Variants in EHBP1 observed in about 807,000 individuals in gnomAD.
The protein encoded by EHBP1 is EH domain-binding protein 1.
In EHBP1, 55 loss-of-function variants were observed where a neutral mutation model predicts 144.0. The ratio of observed to expected loss-of-function variants is 0.38; its 90% CI spans 0.31 to 0.48. The LOEUF is 0.48. Among genes scored for constraint, EHBP1 ranks in the 20% least tolerant of loss-of-function variants. EHBP1 has a pLI of 0.98. For synonymous variants in EHBP1, 469 were observed against 472.7 expected (o/e 0.99, Z 0.10); for missense variants, 1,200 against 1,364.2 (o/e 0.88, Z 1.90).
chr2:62,743,995 T>A (rs2038939054), intron 2 of EHBP1, among the ~76,000 whole-genome samples: 2 of 152,114 alleles, frequency 1.3e-5, no homozygotes, highest in South Asian at 4.1e-4. Context: ...TCCTTTTTAA[T>A]GGCTTTGGAG....
chr2:62,993,750 A>C lies in EHBP1; in HGVS notation c.2872+82A>C, dbSNP rs532105572. 1,630 of 744,380 alleles carry C rather than the reference A, an allele frequency of 2.2e-3. 2 individuals are homozygous for C. The highest frequency in any genetic ancestry group is 2.8e-3 in the Non-Finnish European group (1,498 of 544,282). The allele number at this position is 744,380 out of a possible 1,614,324, so 46.1% of individuals were successfully genotyped here. A position where few individuals can be genotyped will look rare whatever the true frequency, so the allele number is the denominator to read the frequency against. On this transcript the variant is annotated intron_variant, in intron 17 of 22. Coordinates refer to ENST00000431489, the MANE Select transcript of EHBP1 (RefSeq NM_001142616.3). ...TATATATAGTATATATATATAGTAT[A>C]TATATATAGCATATATATATAGTAT...
chr2:62,760,772 G>A (rs977913111), intron 3 of EHBP1, among the ~76,000 whole-genome samples: 2 of 152,220 alleles, frequency 1.3e-5, no homozygotes, highest in African/African-American at 4.8e-5. Context: ...GAGTCATGGA[G>A]TCTGGGCTCT....
chr2:63,026,810 C>T (rs1184964864), intron 19 of EHBP1, among the ~76,000 whole-genome samples: 2 of 152,184 alleles, frequency 1.3e-5, no homozygotes, highest in African/African-American at 2.4e-5. Context: ...AAGGTTGACT[C>T]CTCCTATGAA....
At chr2:62,754,607 A>G (rs2040086710) in intron 3 of EHBP1, among the ~76,000 whole-genome samples, 2 of 152,208 alleles carry the variant, frequency 1.3e-5, no homozygotes, top group Admixed American at 1.3e-4. Context: ...CTACAGAGGC[A>G]GGCAGGCCTC....
At chr2:62,975,860 T>A (rs967669827) in intron 14 of EHBP1, among the ~76,000 whole-genome samples, 18 of 148,108 alleles carry the variant, frequency 1.2e-4, no homozygotes, top group African/African-American at 4.2e-4. Flanking sequence ...CACCACTGCA[T>A]TTCAGCCTGG....
chr2:62,894,051 A>C (rs1353654976), intron 10 of EHBP1, among the ~76,000 whole-genome samples: 1 of 152,090 alleles, frequency 6.6e-6, no homozygotes, highest in African/African-American at 2.4e-5. Flanking sequence ...TCTCAAAAAA[A>C]AAAAAAAAAC....
At position 62,878,550 on chromosome 2, in the gene EHBP1, A is replaced by G. The variant is rs190896436; in HGVS notation, c.1185+4018A>G. Reference sequence around the variant, plus strand: ...CAGGTCAGTATCCTCTGATGAATGTAGATGCAAAAATCTTTAACAAAATAC... The same window carrying G: ...CAGGTCAGTATCCTCTGATGAATGTGGATGCAAAAATCTTTAACAAAATAC... On this transcript the variant is annotated intron_variant, in intron 10 of 22. Transcript: ENST00000431489. Among the ~76,000 whole-genome samples, 1,249 of 152,354 alleles carry G rather than the reference A, an allele frequency of 8.2e-3. 4 individuals are homozygous for G. The highest frequency in any genetic ancestry group is 0.013 in the Non-Finnish European group (852 of 68,040).
At chr2:62,825,237 G>A (rs757578470) in intron 5 of EHBP1, among the ~76,000 whole-genome samples, 3 of 151,910 alleles carry the variant, frequency 2.0e-5, no homozygotes, top group South Asian at 2.1e-4. Context: ...GAATTTACAC[G>A]ATGTCTTGTA....
At chr2:62,819,399 A>G (rs1363569028) in intron 5 of EHBP1, among the ~76,000 whole-genome samples, 3 of 152,224 alleles carry the variant, frequency 2.0e-5, no homozygotes, top group Non-Finnish European at 4.4e-5. Context: ...TATTTCCCAG[A>G]TAAATTATTG....
chr2:62,703,293 G>C (rs2034331952), upstream of EHBP1, among the ~76,000 whole-genome samples: 2 of 152,024 alleles, frequency 1.3e-5, no homozygotes, highest in South Asian at 4.2e-4. Flanking sequence ...CTTGAGCCTG[G>C]GAGGGTGAGG....
chr2:62,997,479 A>C (rs2059687223), intron 19 of EHBP1, among the ~76,000 whole-genome samples: 1 of 144,732 alleles, frequency 6.9e-6, no homozygotes. Flanking sequence ...TGTGTGTGTA[A>C]AATGCTGCCC....
At chr2:62,868,501 A>G (rs1384414185) in intron 9 of EHBP1, among the ~76,000 whole-genome samples, 1 of 152,240 alleles carries the variant, frequency 6.6e-6, no homozygotes, top group Non-Finnish European at 1.5e-5. Context: ...AAAATGGTTA[A>G]TTTGTACTTC....
intron 2 of EHBP1, among the ~76,000 whole-genome samples, chr2:62,718,105 A>T (rs536686912): frequency 1.3e-5 from 2 of 152,350 alleles, no homozygotes; most frequent in Non-Finnish European, 2.9e-5. Flanking sequence ...ATCTCCAACT[A>T]CAAAAGACTC....
intron 7 of EHBP1, among the ~76,000 whole-genome samples, chr2:62,843,324 C>A (rs1362473044): frequency 6.6e-6 from 1 of 152,078 alleles, no homozygotes; most frequent in African/African-American, 2.4e-5. Context: ...CACATAGTAT[C>A]TTGTACAGGG....
chr2:63,024,567 AT>A (rs2060893547), intron 19 of EHBP1, among the ~76,000 whole-genome samples: 1 of 140,014 alleles, frequency 7.1e-6, no homozygotes, highest in African/African-American at 2.6e-5. Context: ...ATGCCACTGT[AT>A]TCCTGCCTTG....
At chr2:62,766,341 C>T (rs371493776) in intron 4 of EHBP1, among the ~76,000 whole-genome samples, 7 of 152,110 alleles carry the variant, frequency 4.6e-5, no homozygotes, top group African/African-American at 1.7e-4. Context: ...AGCCTAGGTA[C>T]GATCTCAACT....
intron 2 of EHBP1, among the ~76,000 whole-genome samples, chr2:62,718,585 G>A (rs192187462): frequency 6.6e-6 from 1 of 152,306 alleles, no homozygotes; most frequent in African/African-American, 2.4e-5. Context: ...GATTCTGTAG[G>A]TCTGTGATAG....
intron 3 of EHBP1, among the ~76,000 whole-genome samples, chr2:62,750,164 G>T (rs1311604415): frequency 6.6e-6 from 1 of 152,102 alleles, no homozygotes; most frequent in African/African-American, 2.4e-5. Context: ...TTTTATATAA[G>T]GTGTAAGGAA....
intron 5 of EHBP1, among the ~76,000 whole-genome samples, chr2:62,819,125 G>A (rs2045678918): frequency 6.6e-6 from 1 of 152,120 alleles, no homozygotes; most frequent in Admixed American, 6.6e-5. Flanking sequence ...GACCTCCAAA[G>A]CCAGAAATAT....
Sources: gnomAD v4.1 joint callset for allele counts (sites outside exome capture counted in the v4.1 genomes callset) on GRCh38, gnomAD v4.1.1 for gene constraint, MANE v1.5 for transcripts, NCBI Gene and HGNC (gene_info 2026-07-23, HGNC 2026-07-21) for gene names.